SEMA3A: variants seen among roughly 807,000 people sequenced by gnomAD.
The protein encoded by SEMA3A is semaphorin-3A.
A neutral mutation model predicts 97.9 loss-of-function variants in SEMA3A; 29 were observed. The ratio of observed to expected loss-of-function variants is 0.30; its 90% CI spans 0.22 to 0.40. The LOEUF is 0.40. Ranked by LOEUF, SEMA3A falls within the 10% of genes least tolerant of loss-of-function variation. The probability of loss-of-function intolerance (pLI) is 1.00; values close to 1 mark genes in which losing one functional copy is unlikely to be tolerated. For missense variants in SEMA3A, 763 were observed against 951.3 expected, an observed-to-expected ratio of 0.80 and a Z score of 2.60; for synonymous variants, 321 against 323.7, an observed-to-expected ratio of 0.99 and a Z score of 0.09.
intron 2 of SEMA3A, among the ~76,000 whole-genome samples, chr7:84,339,231 CA>C (rs1171067071): frequency 6.6e-6 from 1 of 152,030 alleles, no homozygotes; most frequent in Non-Finnish European, 1.5e-5. Context: ...ATAATCCTAA[CA>C]AAAGTAGATG....
intron 9 of SEMA3A, among the ~76,000 whole-genome samples, chr7:84,008,503 A>AAAG (rs1790757703): frequency 6.8e-6 from 1 of 147,720 alleles, no homozygotes; most frequent in African/African-American, 2.5e-5. Flanking sequence ...AAAAAAAAAA[A>AAAG]AAAAAGAAAG....
At chr7:84,461,859 C>CA (rs1805849704) in intron 1 of SEMA3A, among the ~76,000 whole-genome samples, 1 of 152,122 alleles carries the variant, frequency 6.6e-6, no homozygotes, top group African/African-American at 2.4e-5. Context: ...TTTAATTCTA[C>CA]ATTGCTCAGT....
At chr7:84,430,265 T>C (rs1323557515) in intron 1 of SEMA3A, among the ~76,000 whole-genome samples, 1 of 151,946 alleles carries the variant, frequency 6.6e-6, no homozygotes, top group Admixed American at 6.6e-5. Context: ...GAGAGAATAA[T>C]TAAAATGAAA....
intron 1 of SEMA3A, among the ~76,000 whole-genome samples, chr7:84,454,612 G>A (rs1025203532): frequency 3.9e-5 from 6 of 152,012 alleles, no homozygotes; most frequent in African/African-American, 7.2e-5. Context: ...ATAATTTTCA[G>A]TGAAATATTG....
chr7:84,158,216 G>A (rs1227248339), intron 1 of SEMA3A, among the ~76,000 whole-genome samples: 3 of 141,542 alleles, frequency 2.1e-5, no homozygotes, highest in East Asian at 2.1e-4. Flanking sequence ...GTGCAGTGGC[G>A]TGATCTCGGC....
intron 12 of SEMA3A, among the ~76,000 whole-genome samples, chr7:83,985,815 AT>A (rs1449352913): frequency 6.6e-5 from 10 of 152,134 alleles, no homozygotes; most frequent in Non-Finnish European, 1.3e-4. Flanking sequence ...GTGTTAGGTG[AT>A]TGGGGGAGGG....
chr7:84,117,657 G>T (rs1795475260), intron 3 of SEMA3A, among the ~76,000 whole-genome samples: 1 of 152,168 alleles, frequency 6.6e-6, no homozygotes, highest in African/African-American at 2.4e-5. Flanking sequence ...AATATCTGAT[G>T]ATCTTTGGTG....
In SEMA3A at chr7:84,035,383, A is replaced by G. The variant is rs1026035132; in HGVS notation, c.667+10941T>C. Among the ~76,000 whole-genome samples the G allele has an allele frequency of 5.3e-5, 8 of 152,174 alleles. No individual in the cohort carries two copies. In the East Asian group the frequency reaches 1.5e-3, roughly 29 times the overall value. On this transcript the variant is annotated intron_variant, in intron 6 of 16. Transcript: ENST00000265362. Reference sequence around the variant, plus strand: ...AAGGCAGTAAAATTACTGGCATGTAAAAATTCTCTAGCAAATAACATGTTA... The same window carrying G: ...AAGGCAGTAAAATTACTGGCATGTAGAAATTCTCTAGCAAATAACATGTTA...
At position 84,091,151 on chromosome 7, in the gene SEMA3A, G is replaced by A. The variant is rs373321627; in HGVS notation, c.453+19319C>T. 3.4e-3 allele frequency among the ~76,000 whole-genome samples: 73 copies of A among 21,336 alleles called. 2 individuals carry two copies. The highest frequency in any genetic ancestry group is 7.9e-3 in the South Asian group (6 of 758). 14.0% of individuals were successfully genotyped at this position (21,336 alleles called of 152,430 possible). ...AAGAAAGAAAGAAGGAAGGAAGGAA[G>A]GAAGGAAGGAAGGAAGGAAAGAAAG... On this transcript the variant is annotated intron_variant, in intron 4 of 16. Transcript: ENST00000265362.
intron 3 of SEMA3A, among the ~76,000 whole-genome samples, chr7:84,123,784 C>A (rs1262798774): frequency 1.4e-5 from 2 of 147,510 alleles, no homozygotes; most frequent in African/African-American, 5.0e-5. Context: ...TATCTGATAA[C>A]CTTATATATA....
chr7:84,185,454 C>T (rs1361224550), intron 1 of SEMA3A, among the ~76,000 whole-genome samples: 1 of 151,724 alleles, frequency 6.6e-6, no homozygotes, highest in Non-Finnish European at 1.5e-5. Context: ...GGCAGATCAT[C>T]TGAGGTCAGG....
In SEMA3A at chr7:84,102,556, G is replaced by C. The variant is rs1406849101; in HGVS notation, c.453+7914C>G. On this transcript the variant is annotated intron_variant, in intron 4 of 16. Coordinates refer to ENST00000265362, the MANE Select transcript of SEMA3A (RefSeq NM_006080.3). The stretch of plus-strand genomic sequence containing the variant: ...ATTAGGGCAAGGAGAGTATCCTCTG[G>C]TGTGAATACAGAGAAGGAGATTGCA... Among the ~76,000 whole-genome samples the C allele has an allele frequency of 4.7e-5, 7 of 148,952 alleles. 1 individual carries two copies. In the South Asian group the frequency reaches 1.5e-3, roughly 32 times the overall value.
intron 4 of SEMA3A, among the ~76,000 whole-genome samples, chr7:84,099,807 T>C (rs1038674424): frequency 2.0e-5 from 3 of 152,156 alleles, no homozygotes; most frequent in Admixed American, 6.6e-5. Flanking sequence ...TAGGGTCTTA[T>C]GATGTCACTA....
chr7:84,069,557 G>A (rs1288202327), intron 4 of SEMA3A, among the ~76,000 whole-genome samples: 1 of 151,972 alleles, frequency 6.6e-6, no homozygotes, highest in East Asian at 1.9e-4. Context: ...CTTTCACAAT[G>A]CATTGAAAAT....
At chr7:84,144,499 C>T (rs1025388223) in intron 1 of SEMA3A, among the ~76,000 whole-genome samples, 2 of 151,852 alleles carry the variant, frequency 1.3e-5, no homozygotes, top group Non-Finnish European at 2.9e-5. Flanking sequence ...ATCTACAGAT[C>T]GAAAAGTCTC....
At chr7:84,471,611 T>G (rs540436170) in intron 1 of SEMA3A, among the ~76,000 whole-genome samples, 1 of 151,972 alleles carries the variant, frequency 6.6e-6, no homozygotes, top group African/African-American at 2.4e-5. Flanking sequence ...GGGACAAAAA[T>G]AGAAATTGTG....
intron 4 of SEMA3A, among the ~76,000 whole-genome samples, chr7:84,093,225 GTCT>G (rs1198949176): frequency 6.6e-6 from 1 of 152,090 alleles, no homozygotes; most frequent in Non-Finnish European, 1.5e-5. Flanking sequence ...TGAACAAATG[GTCT>G]TCAACAGTTC....
At chr7:84,182,061 G>C (rs1273569529) in intron 1 of SEMA3A, among the ~76,000 whole-genome samples, 1 of 152,004 alleles carries the variant, frequency 6.6e-6, no homozygotes, top group Admixed American at 6.6e-5. Context: ...TTAGACAAAA[G>C]CCCCTTTAAG....
At chr7:83,972,068 TATACACATACATATAC>T (rs1788943400) in intron 15 of SEMA3A, among the ~76,000 whole-genome samples, 1 of 151,906 alleles carries the variant, frequency 6.6e-6, no homozygotes, top group African/African-American at 2.4e-5. Flanking sequence ...CATACATATA[TATACACATACATATAC>T]ATAGATATAG....
Sources: gnomAD v4.1 joint callset for allele counts (sites outside exome capture counted in the v4.1 genomes callset) on GRCh38, gnomAD v4.1.1 for gene constraint, MANE v1.5 for transcripts, NCBI Gene and HGNC (gene_info 2026-07-23, HGNC 2026-07-21) for gene names.